LSP1: variants seen among roughly 807,000 people sequenced by gnomAD.
LSP1 encodes the protein lymphocyte specific protein 1, also known as lymphocyte-specific protein 1.
Under a neutral mutation model 49.3 loss-of-function variants are expected in LSP1, and 32 were observed. The ratio of observed to expected loss-of-function variants is 0.65; its 90% CI spans 0.49 to 0.87. LSP1 has a LOEUF of 0.87. Ranked by LOEUF, LSP1 falls within the 40% of genes least tolerant of loss-of-function variation. LSP1 has a pLI of 0.00. For missense variants in LSP1, 428 were observed against 442.6 expected (o/e 0.97, Z 0.30); for synonymous variants, 179 against 178.8 (o/e 1.00, Z -0.01).
intron 1 of LSP1, among the ~76,000 whole-genome samples, chr11:1,856,494 A>T (rs556758659): frequency 6.6e-6 from 1 of 152,342 alleles, no homozygotes; most frequent in East Asian, 1.9e-4. Flanking sequence ...CTCTGGCAGC[A>T]CCTGCCATGG....
At chr11:1,875,236 T>C (rs1848258816) in intron 1 of LSP1, among the ~76,000 whole-genome samples, 1 of 152,166 alleles carries the variant, frequency 6.6e-6, no homozygotes, top group African/African-American at 2.4e-5. Context: ...TTCCCAGGGT[T>C]GTGAGGGAAG....
chr11:1,870,328 G>C, intron 1 of LSP1: 1 of 1,291,676 alleles, frequency 7.7e-7, no homozygotes, highest in Non-Finnish European at 1.0e-6. Context: ...GGGGGTGCCC[G>C]CAGCACCCGG....
Position 1,853,198 on chromosome 11 carries a change from G to T in LSP1, c.53+1G>T. ...CCGAGGAGCGGGAAGAGTTGCTGGG[G>T]TAAGGGTCTGCGGCGACGCCCGGCG... On this transcript the variant is annotated splice_donor_variant, in intron 1 of 10. Transcript: ENST00000311604. LOFTEE classifies it high-confidence loss of function. The T allele has an allele frequency of 1.2e-6, 2 of 1,609,788 alleles. No individual in the cohort carries two copies. The highest frequency in any genetic ancestry group is 1.7e-6 in the Non-Finnish European group (2 of 1,179,118).
intron 1 of LSP1, chr11:1,864,236 T>C (rs1410993709): frequency 7.1e-6 from 7 of 984,614 alleles, no homozygotes; most frequent in East Asian, 1.2e-4. Flanking sequence ...GCGATGATGG[T>C]GAGGGAGGTG....
intron 1 of LSP1, among the ~76,000 whole-genome samples, chr11:1,877,796 G>T (rs1467281229): frequency 6.6e-6 from 1 of 152,214 alleles, no homozygotes; most frequent in East Asian, 1.9e-4. Context: ...TGTGTGAGTT[G>T]GGTGTGCACC....
chr11:1,880,441 T>C (rs1440693074), intron 2 of LSP1, among the ~76,000 whole-genome samples: 4 of 152,072 alleles, frequency 2.6e-5, no homozygotes, highest in Admixed American at 2.6e-4. Context: ...GGCTGCCTCC[T>C]GGGCGCTGAC....
At chr11:1,877,442 C>T (rs1348043214) in intron 1 of LSP1, among the ~76,000 whole-genome samples, 1 of 152,164 alleles carries the variant, frequency 6.6e-6, no homozygotes, top group Admixed American at 6.5e-5. Flanking sequence ...CCTACTCTGT[C>T]CCCCAGGCCC....
chr11:1,860,619 A>G (rs1847606145), intron 1 of LSP1, among the ~76,000 whole-genome samples: 1 of 152,234 alleles, frequency 6.6e-6, no homozygotes, highest in Non-Finnish European at 1.5e-5. Flanking sequence ...TATTTAACAA[A>G]GCATGTGGTA....
intron 4 of LSP1, 29 bp downstream of exon 4, chr11:1,883,589 T>C: frequency 6.3e-7 from 1 of 1,583,736 alleles, no homozygotes; most frequent in South Asian, 1.1e-5. Context: ...AGGGTCTGGG[T>C]GTACCCCCAC....
At chr11:1,857,312 T>A (rs1224176227) in intron 1 of LSP1, among the ~76,000 whole-genome samples, 1 of 152,190 alleles carries the variant, frequency 6.6e-6, no homozygotes, top group Non-Finnish European at 1.5e-5. Flanking sequence ...CAGGAGGGTC[T>A]GGGGTCCAGC....
chr11:1,867,421 C>T (rs1847831565), intron 1 of LSP1, among the ~76,000 whole-genome samples: 1 of 147,060 alleles, frequency 6.8e-6, no homozygotes, highest in Non-Finnish European at 1.5e-5. Context: ...GCCATGATCT[C>T]TTCTCTGCAG....
intron 1 of LSP1, among the ~76,000 whole-genome samples, chr11:1,872,978 TG>T (rs1385731834): frequency 1.8e-3 from 262 of 145,466 alleles, no homozygotes; most frequent in Non-Finnish European, 3.2e-3. Context: ...CGGTGGGGGG[TG>T]GGGGTATAGG....
intron 1 of LSP1, among the ~76,000 whole-genome samples, chr11:1,857,529 G>A (rs748111553): frequency 2.6e-5 from 4 of 152,218 alleles, no homozygotes; most frequent in Non-Finnish European, 4.4e-5. Context: ...GGGTGGGGGC[G>A]TGAGCTCTGC....
intron 1 of LSP1, among the ~76,000 whole-genome samples, chr11:1,876,955 C>T (rs1023582759): frequency 6.6e-6 from 1 of 152,188 alleles, no homozygotes; most frequent in Non-Finnish European, 1.5e-5. Context: ...GGAGCCCCCC[C>T]ACCGCCTGGC....
chr11:1,872,549 GGTCT>G (rs1373957467), intron 1 of LSP1, among the ~76,000 whole-genome samples: 3 of 138,336 alleles, frequency 2.2e-5, no homozygotes, highest in Non-Finnish European at 4.8e-5. Context: ...GTAGAGTTGG[GGTCT>G]GTCTGGCTGG....
Position 1,886,228 on chromosome 11 carries a change from C to A in LSP1, c.718-504C>A, listed in dbSNP as rs753868316. 1.4e-3 allele frequency among the ~76,000 whole-genome samples: 207 copies of A among 151,962 alleles called. 1 individual carries two copies. The highest frequency in any genetic ancestry group is 6.2e-4 in the Non-Finnish European group (42 of 67,972). On this transcript the variant is annotated intron_variant, in intron 7 of 10. Coordinates refer to ENST00000311604, the MANE Select transcript of LSP1 (RefSeq NM_002339.3). ...TCAATGCCCCTTCATTGAACCAATACGGCTCTATCCAACCAATACTACTCC... is the reference window on the plus strand; with the variant it reads ...TCAATGCCCCTTCATTGAACCAATAAGGCTCTATCCAACCAATACTACTCC...
intron 1 of LSP1, among the ~76,000 whole-genome samples, chr11:1,867,113 G>T (rs925953794): frequency 6.6e-6 from 1 of 152,180 alleles, no homozygotes; most frequent in Non-Finnish European, 1.5e-5. Context: ...AGACAGTGAG[G>T]AGGGGACCTC....
At chr11:1,886,287 C>A (rs1848745800) in intron 7 of LSP1, among the ~76,000 whole-genome samples, 1 of 152,134 alleles carries the variant, frequency 6.6e-6, no homozygotes, top group Non-Finnish European at 1.5e-5. Context: ...AACAAACACT[C>A]CCTCATATAA....
intron 1 of LSP1, among the ~76,000 whole-genome samples, chr11:1,877,204 C>G (rs974082321): frequency 6.6e-6 from 1 of 152,160 alleles, no homozygotes; most frequent in Non-Finnish European, 1.5e-5. Context: ...GAGCTGCCCC[C>G]CTTTCAGTTC....
Sources: gnomAD v4.1 joint callset for allele counts (sites outside exome capture counted in the v4.1 genomes callset) on GRCh38, gnomAD v4.1.1 for gene constraint, MANE v1.5 for transcripts, NCBI Gene and HGNC (gene_info 2026-07-23, HGNC 2026-07-21) for gene names.